The following NPAT variants were observed in gnomAD, a reference collection of about 807,000 sequenced individuals.
NPAT encodes the protein protein NPAT.
Under a neutral mutation model 130.7 loss-of-function variants are expected in NPAT, and 52 were observed. The observed-to-expected ratio is 0.40, with a 90% CI of 0.32 to 0.50. The LOEUF is 0.50. Among genes scored for constraint, NPAT ranks in the 20% least tolerant of loss-of-function variants. The pLI is 0.68. For synonymous variants in NPAT, 580 were observed against 584.8 expected (o/e 0.99, Z 0.12); for missense variants, 1,687 against 1,662.6 (o/e 1.01, Z -0.26).
At position 108,161,211 on chromosome 11, in the gene NPAT, C is replaced by G; in HGVS notation, c.3875G>C (p.Ser1292Thr). Residue 1292 changes from serine to threonine, a missense_variant, in exon 17 of 18, where the codon AGT (serine) becomes ACT (threonine). This residue lies in a region of NPAT where 1,379 missense variants were observed against 1,346.6 expected (regional missense o/e 1.02). Transcript: ENST00000278612. ...ACTACTGTCTTCACTGAAACGCCTACTAGAGGGGGCCTTGATAATATCTAT... is the reference window on the plus strand; with the variant it reads ...ACTACTGTCTTCACTGAAACGCCTAGTAGAGGGGGCCTTGATAATATCTAT... The part of the protein sequence containing the change: ...EPIDIIKAPS[S>T]RRFSEDSSTS... 1 of 1,614,166 alleles carries G rather than the reference C, an allele frequency of 6.2e-7. No individual in the cohort carries two copies. The highest frequency in any genetic ancestry group is 8.5e-7 in the Non-Finnish European group (1 of 1,180,022).
chr11:108,198,795 G>A (rs1368843418), intron 1 of NPAT, among the ~76,000 whole-genome samples: 5 of 152,142 alleles, frequency 3.3e-5, no homozygotes, highest in East Asian at 1.9e-4. Context: ...CTCTACTCAC[G>A]TTGGGTCCCC....
intron 1 of NPAT, among the ~76,000 whole-genome samples, chr11:108,211,035 A>G (rs1441503278): frequency 1.3e-5 from 2 of 151,970 alleles, no homozygotes; most frequent in Non-Finnish European, 2.9e-5. Context: ...CCTGGCCAAC[A>G]TGGTGAAAAC....
intron 1 of NPAT, among the ~76,000 whole-genome samples, chr11:108,205,201 ATTTAC>A (rs1353261185): frequency 3.9e-5 from 6 of 152,236 alleles, no homozygotes; most frequent in Admixed American, 3.9e-4. Context: ...AAGACTTGAT[ATTTAC>A]TTTGATTGTT....
chr11:108,192,521 T>G (rs922447311), intron 3 of NPAT, among the ~76,000 whole-genome samples: 2 of 152,232 alleles, frequency 1.3e-5, no homozygotes, highest in African/African-American at 4.8e-5. Flanking sequence ...ATGTGACATA[T>G]GAAAGTGAAT....
intron 3 of NPAT, among the ~76,000 whole-genome samples, chr11:108,193,077 A>G (rs2078186790): frequency 6.6e-6 from 1 of 152,234 alleles, no homozygotes; most frequent in Non-Finnish European, 1.5e-5. Flanking sequence ...TTATCATCTT[A>G]TGCGAATTCT....
At chr11:108,207,216 T>G (rs1263865585) in intron 1 of NPAT, among the ~76,000 whole-genome samples, 1 of 152,228 alleles carries the variant, frequency 6.6e-6, no homozygotes, top group Admixed American at 6.5e-5. Flanking sequence ...CTGGGGTTTT[T>G]ATGGACCTCA....
At chr11:108,206,660 T>A (rs1458497406) in intron 1 of NPAT, among the ~76,000 whole-genome samples, 2 of 152,168 alleles carry the variant, frequency 1.3e-5, no homozygotes, top group African/African-American at 2.4e-5. Context: ...AGCTCTTCTT[T>A]CCTTCTCATT....
At chr11:108,170,283 G>T in intron 13 of NPAT, 2 of 460,572 alleles carry the variant, frequency 4.3e-6, no homozygotes, top group Non-Finnish European at 8.0e-6. Flanking sequence ...TATTAAGGTG[G>T]TCTTAATGTT....
intron 15 of NPAT, among the ~76,000 whole-genome samples, chr11:108,167,338 A>C (rs1053094516): frequency 1.3e-5 from 2 of 152,150 alleles, no homozygotes; most frequent in Non-Finnish European, 2.9e-5. Flanking sequence ...CACCCTCCCG[A>C]ATAGTTGGGA....
intron 13 of NPAT, 158 bp from the exon 14 acceptor site, chr11:108,170,201 C>CA (rs1209302828): frequency 5.8e-5 from 28 of 480,770 alleles, no homozygotes; most frequent in South Asian, 1.3e-4. Flanking sequence ...CAAAACAAAA[C>CA]AAAAAAAACG....
chr11:108,218,626 G>A (rs1363282597), intron 1 of NPAT, among the ~76,000 whole-genome samples: 1 of 152,294 alleles, frequency 6.6e-6, no homozygotes, highest in East Asian at 1.9e-4. Context: ...AGCAAAAATG[G>A]TAAGAAAATA....
chr11:108,190,156 A>T (rs1470157844), intron 5 of NPAT, among the ~76,000 whole-genome samples: 1 of 150,616 alleles, frequency 6.6e-6, no homozygotes, highest in Non-Finnish European at 1.5e-5. Context: ...CTAAAAATAC[A>T]AAAAAAATTA....
chr11:108,203,567 C>A (rs2078295700), intron 1 of NPAT, among the ~76,000 whole-genome samples: 1 of 152,222 alleles, frequency 6.6e-6, no homozygotes, highest in Non-Finnish European at 1.5e-5. Context: ...AGACCTCAAG[C>A]TAAATGACAA....
chr11:108,189,476 T>C lies in NPAT; in HGVS notation c.332-146A>G, dbSNP rs1005181267. The C allele has an allele frequency of 1.1e-5, 8 of 713,908 alleles. No individual in the cohort carries two copies. In the South Asian group the frequency reaches 1.2e-4, roughly 11 times the overall value. The allele number at this position is 713,908 out of a possible 1,614,324, so 44.2% of individuals were successfully genotyped here. On this transcript the variant is annotated intron_variant, in intron 5 of 17. Coordinates refer to ENST00000278612, the MANE Select transcript of NPAT (RefSeq NM_002519.3). ...TTCCTAAATATATCAACTAAATTTA[T>C]GCGACTTTCAGAAGAAACTAAAATG...
chr11:108,190,284 G>C (rs992229588), intron 5 of NPAT, among the ~76,000 whole-genome samples, 176 bp downstream of exon 5: 2 of 120,394 alleles, frequency 1.7e-5, no homozygotes, highest in Non-Finnish European at 3.2e-5. Flanking sequence ...CTGCACTTCA[G>C]CCTGGGCGAC....
rs1228176347 is a variant in NPAT at position 108,176,152 on chromosome 11, C to A, written c.1132+94G>T. 3.2e-6 allele frequency: 3 copies of A among 950,208 alleles called. No individual in the cohort carries two copies. The East Asian group carries it at 7.3e-5, about 23-fold the overall frequency. The allele number at this position is 950,208 out of a possible 1,614,324, so 58.9% of individuals were successfully genotyped here. A position where few individuals can be genotyped will look rare whatever the true frequency, so the allele number is the denominator to read the frequency against. On this transcript the variant is annotated intron_variant, in intron 12 of 17. Coordinates refer to ENST00000278612, the MANE Select transcript of NPAT (RefSeq NM_002519.3). Reference sequence around the variant, plus strand: ...CAAAAATGACCTATAACAATCTGAACAACTTCTACTTCCAAATTAATATTT... The same window carrying A: ...CAAAAATGACCTATAACAATCTGAAAAACTTCTACTTCCAAATTAATATTT...
At chr11:108,214,891 C>T (rs2078418650) in intron 1 of NPAT, among the ~76,000 whole-genome samples, 1 of 152,194 alleles carries the variant, frequency 6.6e-6, no homozygotes, top group Non-Finnish European at 1.5e-5. Context: ...CCTCGGCCTC[C>T]CAAAGTGCTG....
rs768077650 is a variant in NPAT, at chr11:108,172,906, G to C, written c.2078C>G (p.Thr693Ser). 1.9e-6 allele frequency: 3 copies of C among 1,614,114 alleles called. No individual in the cohort carries two copies. In the East Asian group the frequency reaches 6.7e-5, roughly 36 times the overall value. Residue 693 changes from threonine (T) to serine (S), a missense_variant, in exon 13 of 18, where the codon ACT becomes AGT. This residue lies in a region of NPAT where 1,379 missense variants were observed against 1,346.6 expected (regional missense o/e 1.02). Transcript: ENST00000278612. Reference sequence around the variant, plus strand: ...AAGAGAGTGACTGTTTTCTACAGGAGTGCCTTCTGGAGGCGTCAGTGCAAC... The same window carrying C: ...AAGAGAGTGACTGTTTTCTACAGGACTGCCTTCTGGAGGCGTCAGTGCAAC... The part of the protein sequence containing the change: ...EKVALTPPEG[T>S]PVENSHSLPP...
chr11:108,171,996 A>T (rs1037632457), intron 13 of NPAT: 24 of 579,294 alleles, frequency 4.1e-5, no homozygotes, highest in Admixed American at 3.0e-5. Flanking sequence ...AAAACCACTA[A>T]AGCCCATAGC....
Sources: gnomAD v4.1 joint callset for allele counts (sites outside exome capture counted in the v4.1 genomes callset) on GRCh38, gnomAD v4.1.1 for gene constraint, gnomAD v4.1.1 regional missense constraint, MANE v1.5 for transcripts, NCBI Gene and HGNC (gene_info 2026-07-23, HGNC 2026-07-21) for gene names.